NPAS3: variants seen among roughly 807,000 people sequenced by gnomAD.
NPAS3 encodes the protein neuronal PAS domain protein 3, also known as neuronal PAS domain-containing protein 3.
In NPAS3, 14 loss-of-function variants were observed where a neutral mutation model predicts 73.1. That is an observed-to-expected ratio of 0.19 (90% CI 0.13 to 0.30). The LOEUF is 0.30. Among genes scored for constraint, NPAS3 ranks in the 10% least tolerant of loss-of-function variants. The pLI is 1.00. For synonymous variants in NPAS3, 620 were observed against 541.5 expected (o/e 1.14, Z -2.01); for missense variants, 1,096 against 1,250.0 (o/e 0.88, Z 1.86).
At chr14:33,110,311 T>C (rs1047627192) in intron 2 of NPAS3, among the ~76,000 whole-genome samples, 2 of 152,184 alleles carry the variant, frequency 1.3e-5, no homozygotes, top group African/African-American at 4.8e-5. Context: ...GTAACCATTT[T>C]CCAAAGAGTG....
At chr14:33,044,124 G>T (rs929078931) in intron 1 of NPAS3, among the ~76,000 whole-genome samples, 1 of 152,332 alleles carries the variant, frequency 6.6e-6, no homozygotes, top group Non-Finnish European at 1.5e-5. Context: ...TGTCAATGAT[G>T]TTAAAAACTG....
At chr14:33,072,171 G>A (rs374873806) in intron 2 of NPAS3, among the ~76,000 whole-genome samples, 3 of 152,174 alleles carry the variant, frequency 2.0e-5, no homozygotes, top group Admixed American at 6.5e-5. Flanking sequence ...GATTACAGGC[G>A]TGAGCCACTG....
intron 3 of NPAS3, among the ~76,000 whole-genome samples, chr14:33,309,770 A>G (rs2042922912): frequency 6.6e-6 from 1 of 152,192 alleles, no homozygotes; most frequent in African/African-American, 2.4e-5. Flanking sequence ...TGAACAAATT[A>G]TTACTGTGAT....
At chr14:33,117,718 C>T (rs2043113282) in intron 2 of NPAS3, among the ~76,000 whole-genome samples, 1 of 152,038 alleles carries the variant, frequency 6.6e-6, no homozygotes, top group African/African-American at 2.4e-5. Flanking sequence ...AAATTTGTAT[C>T]TTTTACTTAG....
intron 4 of NPAS3, among the ~76,000 whole-genome samples, chr14:33,531,117 A>C (rs377711307): frequency 6.6e-6 from 1 of 152,092 alleles, no homozygotes; most frequent in Non-Finnish European, 1.5e-5. Context: ...GGAAGGTCCA[A>C]GGTCAGCCCC....
chr14:33,727,000 T>C (rs1189717291), intron 6 of NPAS3, among the ~76,000 whole-genome samples: 5 of 152,178 alleles, frequency 3.3e-5, no homozygotes, highest in Non-Finnish European at 7.4e-5. Context: ...CACGGTATTG[T>C]AGTTAGTAAT....
chr14:33,723,854 C>T (rs2061187046), intron 6 of NPAS3, among the ~76,000 whole-genome samples: 2 of 152,184 alleles, frequency 1.3e-5, no homozygotes, highest in South Asian at 2.1e-4. Flanking sequence ...CCTGTGTACC[C>T]CTCAGCTCAA....
chr14:33,199,045 G>C (rs1210644329), intron 2 of NPAS3, among the ~76,000 whole-genome samples: 1 of 152,158 alleles, frequency 6.6e-6, no homozygotes. Context: ...TGTGGGGCCC[G>C]CCGAGCCCAC....
chr14:33,231,486 G>A (rs954688253), intron 3 of NPAS3, among the ~76,000 whole-genome samples: 1 of 152,028 alleles, frequency 6.6e-6, no homozygotes, highest in Non-Finnish European at 1.5e-5. Flanking sequence ...CTTGAGCCAG[G>A]TATGACTTTT....
intron 4 of NPAS3, among the ~76,000 whole-genome samples, chr14:33,464,964 T>G (rs922112076): frequency 5.3e-5 from 8 of 152,170 alleles, no homozygotes; most frequent in African/African-American, 1.9e-4. Flanking sequence ...ATCATCATTA[T>G]CATCATGCCA....
At chr14:33,330,215 C>T (rs956133003) in intron 3 of NPAS3, among the ~76,000 whole-genome samples, 1 of 152,114 alleles carries the variant, frequency 6.6e-6, no homozygotes, top group Admixed American at 6.5e-5. Context: ...TGCACTCCAG[C>T]CTGGGTGACA....
At chr14:33,732,860 G>GCTCACGAGAAGCTTGTGTCT (rs2061433343) in intron 6 of NPAS3, among the ~76,000 whole-genome samples, 1 of 152,132 alleles carries the variant, frequency 6.6e-6, no homozygotes, top group African/African-American at 2.4e-5. Flanking sequence ...TGGCTCCACA[G>GCTCACGAGAAGCTTGTGTCT]CTCACGTGAA....
chr14:33,024,415 C>T (rs891609763), intron 1 of NPAS3, among the ~76,000 whole-genome samples: 1 of 152,102 alleles, frequency 6.6e-6, no homozygotes, highest in African/African-American at 2.4e-5. Context: ...CATGATCCGC[C>T]TGCCTCGGCC....
intron 2 of NPAS3, among the ~76,000 whole-genome samples, chr14:33,082,291 G>T (rs746685973): frequency 6.6e-6 from 1 of 152,098 alleles, no homozygotes; most frequent in Non-Finnish European, 1.5e-5. Context: ...CCTAGCAGCC[G>T]CAAGGCACAC....
intron 4 of NPAS3, among the ~76,000 whole-genome samples, chr14:33,470,869 G>A (rs568003414): frequency 6.6e-6 from 1 of 150,742 alleles, no homozygotes; most frequent in Admixed American, 6.6e-5. Context: ...CATCCGGCCT[G>A]AGAACAAAAT....
chr14:33,212,855 C>T lies in NPAS3; in HGVS notation c.141-2327C>T, dbSNP rs1435831141. ...GAGTGACATGAATAAAGGAAAATTA[C>T]CTATAACATCACGCGAAACTACTTT... On this transcript the variant is annotated intron_variant, in intron 2 of 11. Transcript: ENST00000356141. Among the ~76,000 whole-genome samples the T allele has an allele frequency of 2.0e-5, 3 of 152,248 alleles. No individual in the cohort carries two copies. In the South Asian group the frequency reaches 6.2e-4, roughly 32 times the overall value.
chr14:33,555,888 TG>T (rs765716589), intron 4 of NPAS3, among the ~76,000 whole-genome samples: 10 of 76,182 alleles, frequency 1.3e-4, no homozygotes, highest in East Asian at 8.1e-4. Flanking sequence ...CAATTGTTGT[TG>T]GTGTGTCTGT....
chr14:32,985,165 A>G (rs2038047826), intron 1 of NPAS3, among the ~76,000 whole-genome samples: 2 of 152,218 alleles, frequency 1.3e-5, no homozygotes, highest in Admixed American at 1.3e-4. Context: ...GTCAGATAAC[A>G]AGGAATTCAT....
chr14:33,779,040 G>A (rs930414794), intron 9 of NPAS3, among the ~76,000 whole-genome samples: 4 of 152,238 alleles, frequency 2.6e-5, no homozygotes, highest in African/African-American at 4.8e-5. Context: ...GGCAGAGCAC[G>A]TTCTTTAGAG....
Sources: allele counts gnomAD v4.1 joint callset (sites outside exome capture counted in the v4.1 genomes callset), GRCh38; gene constraint gnomAD v4.1.1; transcripts MANE v1.5; gene names NCBI Gene and HGNC (gene_info 2026-07-23, HGNC 2026-07-21).